GPBP1L1: variants seen among roughly 807,000 people sequenced by gnomAD.
GPBP1L1 encodes the protein GC-rich promoter binding protein 1 like 1, also known as vasculin-like protein 1.
GPBP1L1 carries 23 observed loss-of-function variants against 52.5 expected under a neutral mutation model. The ratio of observed to expected loss-of-function variants is 0.44; its 90% CI spans 0.32 to 0.62. The LOEUF is 0.62. GPBP1L1 is among the 20% of genes least tolerant of loss of function. The pLI, the probability that GPBP1L1 is intolerant of heterozygous loss-of-function variation, is 0.06. For missense variants in GPBP1L1, 596 were observed against 579.3 expected (o/e 1.03, Z -0.30); for synonymous variants, 243 against 203.1 (o/e 1.20, Z -1.67).
At chr1:45,669,363 T>G (rs991472534) in intron 2 of GPBP1L1, among the ~76,000 whole-genome samples, 4 of 152,132 alleles carry the variant, frequency 2.6e-5, no homozygotes, top group African/African-American at 9.7e-5. Context: ...GTTGCTCAGG[T>G]TGGTGTCAAA....
At chr1:45,636,655 G>A (rs533562517) in intron 8 of GPBP1L1, among the ~76,000 whole-genome samples, 6 of 152,188 alleles carry the variant, frequency 3.9e-5, no homozygotes, top group Admixed American at 1.3e-4. Flanking sequence ...GTTTTTAAAC[G>A]TCCACTTACT....
chr1:45,686,148 G>T (rs1569910531), intron 1 of GPBP1L1, among the ~76,000 whole-genome samples: 1 of 152,218 alleles, frequency 6.6e-6, no homozygotes, highest in Non-Finnish European at 1.5e-5. Flanking sequence ...CCCGACGACC[G>T]AAGTTAAAGT....
chr1:45,629,217 A>T (rs1644496515), intron 12 of GPBP1L1, among the ~76,000 whole-genome samples: 1 of 152,214 alleles, frequency 6.6e-6, no homozygotes, highest in Non-Finnish European at 1.5e-5. Flanking sequence ...CCAGGAAACT[A>T]CAGTGCAGAT....
chr1:45,687,120 C>T (rs1645300608), upstream of GPBP1L1: 1 of 152,252 alleles, frequency 6.6e-6, no homozygotes, highest in South Asian at 2.1e-4. Context: ...ACGGCCTGGC[C>T]CCGGAGGCTG....
chr1:45,674,785 A>T (rs1233372290), intron 2 of GPBP1L1, among the ~76,000 whole-genome samples: 1 of 152,204 alleles, frequency 6.6e-6, no homozygotes, highest in East Asian at 1.9e-4. Flanking sequence ...GAAAACGTGT[A>T]AGGTAGGCTA....
rs117300100 is a variant in GPBP1L1 at position 45,665,998 on chromosome 1, G to A, written c.-1097-4773C>T. 3.1e-3 allele frequency among the ~76,000 whole-genome samples: 464 copies of A among 151,832 alleles called. 3 individuals are homozygous for A. Among genetic ancestry groups the A allele is most frequent in the East Asian group, 0.022 (113 of 5,152 alleles). On this transcript the variant is annotated intron_variant, in intron 2 of 12. Transcript: ENST00000355105. Reference sequence around the variant, plus strand: ...AGTTCTGATTTCCCACCAACAATACGACAGGATTTAAATTCCTCAGTCTAA... The same window carrying A: ...AGTTCTGATTTCCCACCAACAATACAACAGGATTTAAATTCCTCAGTCTAA...
chr1:45,647,376 AAC>A lies in GPBP1L1; in HGVS notation c.478-4879_478-4878del, dbSNP rs372666190. Among the ~76,000 whole-genome samples, 1,082 of 152,230 alleles carry A rather than the reference AAC, an allele frequency of 7.1e-3. 14 individuals carry two copies. The highest frequency in any genetic ancestry group is 0.017 in the South Asian group (81 of 4,826). ...GCAGCTCAATCTGGATTATATTTCC[AAC>A]AGTTTGTCCTCAGTGACGGGCTTTG... On this transcript the variant is annotated intron_variant, in intron 6 of 12. Coordinates refer to ENST00000355105, the MANE Select transcript of GPBP1L1 (RefSeq NM_021639.5).
At chr1:45,645,761 G>GTTTTTTTT in intron 6 of GPBP1L1, 1 of 304,866 alleles carries the variant, frequency 3.3e-6, no homozygotes. Context: ...ATATTCCGAA[G>GTTTTTTTT]TTTTTTGTTT....
intron 2 of GPBP1L1, among the ~76,000 whole-genome samples, chr1:45,683,038 A>T (rs1645229803): frequency 6.7e-6 from 1 of 149,144 alleles, no homozygotes; most frequent in Admixed American, 6.8e-5. Context: ...AAATACACCA[A>T]AATTTGCCTT....
chr1:45,635,126 T>C (rs1173868723), intron 8 of GPBP1L1: 1 of 152,232 alleles, frequency 6.6e-6, no homozygotes, highest in Non-Finnish European at 1.5e-5. Flanking sequence ...TGATGGTCAG[T>C]CTGTTTTATT....
At chr1:45,670,640 T>A (rs1170416006) in intron 2 of GPBP1L1, among the ~76,000 whole-genome samples, 1 of 151,878 alleles carries the variant, frequency 6.6e-6, no homozygotes, top group African/African-American at 2.4e-5. Context: ...CTTTTCCATA[T>A]GAAAAAAAAA....
chr1:45,641,466 AC>A (rs1644672412), intron 7 of GPBP1L1, among the ~76,000 whole-genome samples: 1 of 147,890 alleles, frequency 6.8e-6, no homozygotes, highest in African/African-American at 2.5e-5. Context: ...ACATAAACAC[AC>A]ACACACACAC....
chr1:45,640,475 A>C (rs1399800465), intron 7 of GPBP1L1, 72 bp from the exon 8 acceptor site: 1 of 1,275,742 alleles, frequency 7.8e-7, no homozygotes, highest in Non-Finnish European at 1.1e-6. Flanking sequence ...AGTTTATACA[A>C]AGGCCTTAGT....
chr1:45,668,265 T>C (rs1250834351), intron 2 of GPBP1L1, among the ~76,000 whole-genome samples: 1 of 152,210 alleles, frequency 6.6e-6, no homozygotes, highest in African/African-American at 2.4e-5. Context: ...AGATATGCGC[T>C]GAAATAAGAA....
chr1:45,646,950 G>A (rs999416642), intron 6 of GPBP1L1, among the ~76,000 whole-genome samples: 1 of 151,854 alleles, frequency 6.6e-6, no homozygotes, highest in Non-Finnish European at 1.5e-5. Flanking sequence ...GATCTTTTCT[G>A]CCAAACTTTT....
At chr1:45,658,488 AAAAG>A (rs1223429437) in intron 4 of GPBP1L1, among the ~76,000 whole-genome samples, 1 of 152,232 alleles carries the variant, frequency 6.6e-6, no homozygotes, top group Non-Finnish European at 1.5e-5. Flanking sequence ...AAAAAAGAAA[AAAAG>A]AAACATAAAA....
intron 2 of GPBP1L1, among the ~76,000 whole-genome samples, chr1:45,668,668 C>T (rs1303056758): frequency 6.6e-6 from 1 of 152,026 alleles, no homozygotes; most frequent in Non-Finnish European, 1.5e-5. Flanking sequence ...AAAACAAAAA[C>T]AAAACAAAAA....
chr1:45,653,160 T>C (rs920310883), intron 6 of GPBP1L1, among the ~76,000 whole-genome samples: 6 of 152,190 alleles, frequency 3.9e-5, no homozygotes, highest in Non-Finnish European at 8.8e-5. Flanking sequence ...GAGGAGCTAA[T>C]GCCTAAATTT....
At chr1:45,644,352 T>C (rs989903723) in intron 6 of GPBP1L1, among the ~76,000 whole-genome samples, 6 of 152,246 alleles carry the variant, frequency 3.9e-5, no homozygotes, top group Non-Finnish European at 7.3e-5. Flanking sequence ...CTTTGATCTC[T>C]TTCTACTGTT....
Sources: allele counts gnomAD v4.1 joint callset (sites outside exome capture counted in the v4.1 genomes callset), GRCh38; gene constraint gnomAD v4.1.1; transcripts MANE v1.5; gene names NCBI Gene and HGNC (gene_info 2026-07-23, HGNC 2026-07-21).